The following CCDC39 variants were observed in gnomAD, a reference collection of about 807,000 sequenced individuals.
CCDC39 encodes the protein coiled-coil domain 39 molecular ruler complex subunit, also known as coiled-coil domain-containing protein 39.
A neutral mutation model predicts 121.0 loss-of-function variants in CCDC39; 113 were observed. The ratio of observed to expected loss-of-function variants is 0.93; its 90% CI spans 0.80 to 1.09. The LOEUF is 1.09. Ranked by LOEUF, CCDC39 falls within the 50% of genes least tolerant of loss-of-function variation. CCDC39 has a pLI of 0.00. For synonymous variants in CCDC39, 349 were observed against 352.2 expected (o/e 0.99, Z 0.10); for missense variants, 1,063 against 1,074.7 (o/e 0.99, Z 0.15).
chr3:180,644,137 C>T lies in CCDC39; in HGVS notation c.1648G>A (p.Ala550Thr). The T allele has an allele frequency of 6.5e-7, 1 of 1,544,838 alleles. No homozygotes were observed. Residue 550 changes from alanine to threonine, a missense_variant, in exon 12 of 20, where the codon GCC (alanine) becomes ACC (threonine). Coordinates refer to ENST00000476379, the MANE Select transcript of CCDC39 (RefSeq NM_181426.2). ...TACTGCACCTGCTTAAAACCTTTGG[C>T]TTTATCAAGTTCTTTCTCTGATCTG... ...IDRSEKELDK[A>T]KGFKQDLMIE...
At chr3:180,636,255 G>T (rs115054558) in intron 13 of CCDC39, among the ~76,000 whole-genome samples, 3,165 of 152,238 alleles carry the variant, frequency 0.021, 43 homozygotes, top group Non-Finnish European at 0.034. Context: ...CTTCAGCAAA[G>T]TTTCAGGATA....
At chr3:180,632,152 G>A (rs1349128172) in intron 13 of CCDC39, among the ~76,000 whole-genome samples, 2 of 152,154 alleles carry the variant, frequency 1.3e-5, no homozygotes, top group Admixed American at 1.3e-4. Flanking sequence ...TGCTCCAGAA[G>A]GAGATACTAC....
At chr3:180,635,477 G>A (rs1040609872) in intron 13 of CCDC39, among the ~76,000 whole-genome samples, 15 of 152,146 alleles carry the variant, frequency 9.9e-5, no homozygotes, top group African/African-American at 2.9e-4. Context: ...AATAAAAAAC[G>A]AGTTGCTTCC....
In CCDC39 at chr3:180,659,538, T is replaced by C. The variant is rs1222121958; in HGVS notation, c.652A>G (p.Asn218Asp). Residue 218 changes from asparagine (N) to aspartate (D), a missense_variant, in exon 6 of 20, where the codon AAT (asparagine) becomes GAT (aspartate). Coordinates refer to ENST00000476379, the MANE Select transcript of CCDC39 (RefSeq NM_181426.2). The part of the protein sequence containing the change: ...KAAQDFRKIH[N>D]ERQELIKQWE... The stretch of plus-strand genomic sequence containing the variant: ...TGTTTAATGAGTTCTTGTCTTTCAT[T>C]ATGAATCTTACGAAAATCTTGTGCT... 4.3e-6 allele frequency: 7 copies of C among 1,613,324 alleles called. No homozygotes were observed. The highest frequency in any genetic ancestry group is 5.9e-6 in the Non-Finnish European group (7 of 1,179,618).
At position 180,663,866 on chromosome 3, in the gene CCDC39, C is replaced by T; in HGVS notation, c.210+1G>A. On this transcript the variant is annotated splice_donor_variant, in intron 2 of 19. Transcript: ENST00000476379. LOFTEE classifies it high-confidence loss of function. ...ATCAACATAAATTTCAGTTACTGTA[C>T]CTGTGTAATTGAGAGCTCTTGCTTA... 6.2e-7 allele frequency: 1 copy of T among 1,611,732 alleles called. No homozygotes were observed. Among genetic ancestry groups the T allele is most frequent in the South Asian group, 1.1e-5 (1 of 90,944 alleles).
intron 1 of CCDC39, among the ~76,000 whole-genome samples, chr3:180,670,531 C>G (rs1430196564): frequency 6.6e-6 from 1 of 151,822 alleles, no homozygotes. Context: ...GAGGTCCACA[C>G]TTTTACTAGT....
chr3:180,643,450 A>T (rs1718006011), intron 12 of CCDC39, among the ~76,000 whole-genome samples: 1 of 152,188 alleles, frequency 6.6e-6, no homozygotes, highest in South Asian at 2.1e-4. Flanking sequence ...TCATTAAACA[A>T]AATATTTTTA....
Position 180,631,508 on chromosome 3 carries a change from T to G in CCDC39, c.1959A>C (p.Glu653Asp). The G allele has an allele frequency of 6.2e-7, 1 of 1,608,054 alleles. No homozygotes were observed. Among genetic ancestry groups the G allele is most frequent in the Non-Finnish European group, 8.5e-7 (1 of 1,178,890 alleles). The change falls in exon 14 of 20, where the codon GAA becomes GAC. Residue 653 changes from glutamate (E) to aspartate (D), a missense_variant. Physicochemically the swap from Glu to Asp is conservative, Grantham distance 45. Transcript: ENST00000476379. ...EILTVVMLPPEGEEEKTQAYY... is the reference protein window; with the variant it reads ...EILTVVMLPPDGEEEKTQAYY... ...AGGCCTGTGTTTTCTCCTCTTCTCC[T>G]TCAGGAGGCAGCATAACAACAGTCA...
chr3:180,661,802 A>G, intron 3 of CCDC39, 59 bp downstream of exon 3: 2 of 1,465,272 alleles, frequency 1.4e-6, no homozygotes, highest in Non-Finnish European at 1.9e-6. Flanking sequence ...GTCAATGCTC[A>G]TTTGGTGATG....
chr3:180,622,700 G>A (rs953214888), intron 14 of CCDC39, among the ~76,000 whole-genome samples: 1 of 151,982 alleles, frequency 6.6e-6, no homozygotes, highest in Non-Finnish European at 1.5e-5. Flanking sequence ...TTGTGTTTAT[G>A]TGATGTATCA....
intron 13 of CCDC39, among the ~76,000 whole-genome samples, chr3:180,640,439 G>A (rs1717929836): frequency 6.6e-6 from 1 of 151,920 alleles, no homozygotes; most frequent in Non-Finnish European, 1.5e-5. Flanking sequence ...GGAAAAAATA[G>A]TAAAGGCAAG....
At position 180,614,818 on chromosome 3, in the gene CCDC39, A is replaced by C; in HGVS notation, c.*103T>G. ...CTATCAGTTTTTACACTTACCACTA[A>C]GTTTTTACACTTTCCACTAGATAAA... is the stretch of plus-strand genomic sequence containing the variant. On this transcript the variant is annotated 3_prime_UTR_variant, in exon 20 of 20. Transcript: ENST00000476379. The C allele has an allele frequency of 1.9e-6, 2 of 1,044,090 alleles. No homozygotes were observed. The highest frequency in any genetic ancestry group is 1.8e-5 in the South Asian group (1 of 56,248). 64.7% of individuals were successfully genotyped at this position (1,044,090 alleles called of 1,614,324 possible).
chr3:180,669,534 G>C (rs1233626008), intron 1 of CCDC39, among the ~76,000 whole-genome samples: 2 of 151,972 alleles, frequency 1.3e-5, no homozygotes, highest in African/African-American at 2.4e-5. Context: ...ACCAGATTCA[G>C]AGCATTTCTA....
intron 11 of CCDC39, among the ~76,000 whole-genome samples, chr3:180,645,474 C>G (rs114507222): frequency 1.3e-5 from 2 of 151,964 alleles, no homozygotes; most frequent in Non-Finnish European, 2.9e-5. Context: ...TCCCTCTATC[C>G]GTTCCTCCTC....
intron 14 of CCDC39, among the ~76,000 whole-genome samples, chr3:180,626,678 G>A (rs1214041995): frequency 2.0e-5 from 3 of 152,178 alleles, no homozygotes; most frequent in Non-Finnish European, 4.4e-5. Flanking sequence ...GCTCCTGGCT[G>A]TGGCCTTGCA....
chr3:180,614,846 G>T lies in CCDC39; in HGVS notation c.*75C>A. ...TTTTACACTTTCCACTAGATAAAAT[G>T]TGTTGGGTCGTTTTGTATTTTAAAG... On this transcript the variant is annotated 3_prime_UTR_variant, in exon 20 of 20. Coordinates refer to ENST00000476379, the MANE Select transcript of CCDC39 (RefSeq NM_181426.2). 7.4e-7 allele frequency: 1 copy of T among 1,350,712 alleles called. No individual in the cohort carries two copies. Among genetic ancestry groups the T allele is most frequent in the South Asian group, 1.4e-5 (1 of 72,366 alleles). The allele number at this position is 1,350,712 out of a possible 1,614,324, so 83.7% of individuals were successfully genotyped here.
intron 1 of CCDC39, among the ~76,000 whole-genome samples, chr3:180,674,994 T>C (rs987333597): frequency 5.3e-5 from 8 of 152,254 alleles, no homozygotes; most frequent in African/African-American, 1.7e-4. Context: ...GCTGGCCTCA[T>C]AGAATGAGTT....
intron 13 of CCDC39, among the ~76,000 whole-genome samples, chr3:180,641,525 T>G (rs1717954806): frequency 1.3e-5 from 2 of 152,252 alleles, no homozygotes; most frequent in Admixed American, 6.5e-5. Context: ...TACTGATTGT[T>G]AGAACAAGAT....
At chr3:180,641,873 T>G in intron 13 of CCDC39, 120 bp downstream of exon 13, 1 of 609,996 alleles carries the variant, frequency 1.6e-6, no homozygotes, top group Non-Finnish European at 2.7e-6. Context: ...CTTTCTTATA[T>G]GAAAAGCCAT....
Sources: allele counts gnomAD v4.1 joint callset (sites outside exome capture counted in the v4.1 genomes callset), GRCh38; gene constraint gnomAD v4.1.1; transcripts MANE v1.5; gene names NCBI Gene and HGNC (gene_info 2026-07-23, HGNC 2026-07-21).